EYS: variants seen among roughly 807,000 people sequenced by gnomAD.
EYS encodes the protein EGF-like photoreceptor maintenance factor, also known as protein eyes shut homolog.
A neutral mutation model predicts 282.1 loss-of-function variants in EYS; 250 were observed. The ratio of observed to expected loss-of-function variants is 0.89; its 90% CI spans 0.80 to 0.98. The LOEUF (loss-of-function observed/expected upper bound fraction) is 0.98. EYS is among the 50% of genes least tolerant of loss of function. The pLI is 0.00. For synonymous variants in EYS, 1,355 were observed against 1,282.9 expected, an observed-to-expected ratio of 1.06 and a Z score of -1.20; for missense variants, 4,016 against 3,709.0, an observed-to-expected ratio of 1.08 and a Z score of -2.15.
intron 32 of EYS, 49 bp downstream of exon 32, chr6:64,081,807 G>A (rs1440707923): frequency 6.7e-6 from 9 of 1,346,928 alleles, no homozygotes; most frequent in East Asian, 2.6e-5. Flanking sequence ...ATAGATCAAC[G>A]TTTGAGAAAG....
intron 13 of EYS, among the ~76,000 whole-genome samples, chr6:65,024,513 C>T (rs1356980139): frequency 2.0e-5 from 3 of 152,134 alleles, no homozygotes; most frequent in Non-Finnish European, 4.4e-5. Context: ...TCAGAATGCC[C>T]ATGTGCTTCA....
At chr6:65,412,889 C>A (rs1767078814) in intron 5 of EYS, among the ~76,000 whole-genome samples, 1 of 152,050 alleles carries the variant, frequency 6.6e-6, no homozygotes, top group African/African-American at 2.4e-5. Flanking sequence ...TATCTAAGAG[C>A]TCTTGCAGTG....
At chr6:64,836,620 A>G (rs1481237810) in intron 19 of EYS, among the ~76,000 whole-genome samples, 1 of 151,580 alleles carries the variant, frequency 6.6e-6, no homozygotes, top group Non-Finnish European at 1.5e-5. Flanking sequence ...AAAAGATAAA[A>G]ATTTTCTATT....
intron 12 of EYS, among the ~76,000 whole-genome samples, chr6:65,087,936 A>T (rs750960913): frequency 2.6e-5 from 4 of 152,130 alleles, no homozygotes; most frequent in Admixed American, 6.5e-5. Flanking sequence ...AGTTTTCCCC[A>T]TGCCGTTCTC....
At chr6:63,977,510 T>C in intron 35 of EYS, among the ~76,000 whole-genome samples, 1 of 151,938 alleles carries the variant, frequency 6.6e-6, no homozygotes, top group South Asian at 2.1e-4. Context: ...CAGAAAGACA[T>C]GTACAAGGTT....
chr6:64,778,877 A>G (rs1603247), intron 22 of EYS, among the ~76,000 whole-genome samples: 63,209 of 152,044 alleles, frequency 0.42, 15,587 homozygotes, highest in Admixed American at 0.59. Flanking sequence ...TAAGATGTAC[A>G]GATGGCAAAT....
intron 33 of EYS, among the ~76,000 whole-genome samples, chr6:64,046,932 C>A (rs1770647967): frequency 6.6e-6 from 1 of 152,160 alleles, no homozygotes; most frequent in African/African-American, 2.4e-5. Flanking sequence ...TCTCTCTCCT[C>A]TTTGAAGGTT....
intron 33 of EYS, among the ~76,000 whole-genome samples, chr6:64,042,235 AAAT>A (rs1170265296): frequency 1.3e-5 from 2 of 152,360 alleles, no homozygotes; most frequent in South Asian, 2.1e-4. Context: ...CAGGATCAGG[AAAT>A]AATAATTAAT....
At chr6:63,935,452 C>T (rs1283268906) in intron 35 of EYS, among the ~76,000 whole-genome samples, 2 of 152,100 alleles carry the variant, frequency 1.3e-5, no homozygotes, top group Admixed American at 6.5e-5. Flanking sequence ...GGAGATAGGG[C>T]CTTACAGAGG....
chr6:65,161,317 A>C (rs997885420), intron 12 of EYS, among the ~76,000 whole-genome samples: 1 of 151,042 alleles, frequency 6.6e-6, no homozygotes, highest in Non-Finnish European at 1.5e-5. Flanking sequence ...CTCAAATGTC[A>C]TCCATTTCAG....
At chr6:65,165,032 A>G (rs1482549682) in intron 12 of EYS, among the ~76,000 whole-genome samples, 3 of 151,376 alleles carry the variant, frequency 2.0e-5, no homozygotes, top group Non-Finnish European at 4.4e-5. Context: ...AATTGAACAT[A>G]TAACTTTAGG....
intron 12 of EYS, among the ~76,000 whole-genome samples, chr6:65,132,968 A>G (rs551084226): frequency 1.4e-4 from 21 of 152,042 alleles, no homozygotes; most frequent in African/African-American, 4.8e-4. Context: ...TCACAATTGC[A>G]ACAAAAAGAA....
At chr6:64,311,318 T>C (rs1224738487) in intron 29 of EYS, among the ~76,000 whole-genome samples, 1 of 152,094 alleles carries the variant, frequency 6.6e-6, no homozygotes, top group Non-Finnish European at 1.5e-5. Flanking sequence ...ATGTAAAATA[T>C]ATATAATAGA....
chr6:64,080,954 C>CT (rs1443165334), intron 32 of EYS, among the ~76,000 whole-genome samples: 1 of 151,990 alleles, frequency 6.6e-6, no homozygotes, highest in East Asian at 1.9e-4. Context: ...GTTTTGGTTA[C>CT]TGTAGCCTTG....
chr6:65,458,305 A>G (rs1217658678), intron 5 of EYS, among the ~76,000 whole-genome samples: 1 of 152,124 alleles, frequency 6.6e-6, no homozygotes, highest in African/African-American at 2.4e-5. Flanking sequence ...ATTTCTTTGT[A>G]TACATTTCTG....
rs571928956 is a variant in EYS at position 65,488,782 on chromosome 6, T to C, written c.862+1812A>G. Among the ~76,000 whole-genome samples the C allele has an allele frequency of 2.1e-3, 313 of 152,196 alleles. 2 individuals carry two copies. The highest frequency in any genetic ancestry group is 7.3e-3 in the African/African-American group (302 of 41,530). Reference sequence around the variant, plus strand: ...TGGTACTGGTACCAAAACAGATATATAGACCAATGGAACAGAATGGAGACC... The same window carrying C: ...TGGTACTGGTACCAAAACAGATATACAGACCAATGGAACAGAATGGAGACC... On this transcript the variant is annotated intron_variant, in intron 5 of 42. Transcript: ENST00000503581.
intron 14 of EYS, among the ~76,000 whole-genome samples, chr6:64,958,613 T>C (rs1212506596): frequency 6.7e-6 from 1 of 150,192 alleles, no homozygotes; most frequent in Non-Finnish European, 1.5e-5. Context: ...CGGGCGCCTG[T>C]AGTCCCAGCT....
chr6:65,439,950 G>T (rs995491650), intron 5 of EYS, among the ~76,000 whole-genome samples: 2 of 152,064 alleles, frequency 1.3e-5, no homozygotes, highest in African/African-American at 2.4e-5. Flanking sequence ...AAGATAAAAG[G>T]TGACAGTGGA....
chr6:64,309,740 G>A (rs1039776911), intron 29 of EYS, among the ~76,000 whole-genome samples: 12 of 152,040 alleles, frequency 7.9e-5, no homozygotes, highest in Admixed American at 1.3e-4. Context: ...GCCGAGGCAC[G>A]TGGATCATGA....
Sources: gnomAD v4.1 joint callset for allele counts (sites outside exome capture counted in the v4.1 genomes callset) on GRCh38, gnomAD v4.1.1 for gene constraint, MANE v1.5 for transcripts, NCBI Gene and HGNC (gene_info 2026-07-23, HGNC 2026-07-21) for gene names.